Variants in SPATA1 observed in about 807,000 individuals in gnomAD.
SPATA1 encodes the protein spermatogenesis associated 1, also known as spermatogenesis-associated protein 1.
SPATA1 carries 57 observed loss-of-function variants against 59.6 expected under a neutral mutation model. The observed-to-expected ratio is 0.96, with a 90% CI of 0.77 to 1.19. The LOEUF is 1.19. SPATA1 is among the 50% of genes most tolerant of loss of function. The pLI is 0.00. For missense variants in SPATA1, 448 were observed against 480.7 expected, an observed-to-expected ratio of 0.93 and a Z score of 0.64; for synonymous variants, 147 against 163.9, an observed-to-expected ratio of 0.90 and a Z score of 0.79.
downstream of SPATA1, among the ~76,000 whole-genome samples, chr1:84,556,551 A>C (rs141591239): frequency 0.054 from 8,181 of 150,826 alleles, 308 homozygotes; most frequent in Non-Finnish European, 0.077. Flanking sequence ...TCTTTACTAA[A>C]ATACAAAAAA....
At chr1:84,551,953 C>T (rs766598230) in intron 12 of SPATA1, 4 of 152,110 alleles carry the variant, frequency 2.6e-5, no homozygotes, top group Admixed American at 6.6e-5. Flanking sequence ...TTTAACATTA[C>T]AAATGTCACT....
In SPATA1 at chr1:84,530,193, T is replaced by G. The variant is rs140064601; in HGVS notation, c.545-2667T>G. On this transcript the variant is annotated intron_variant, in intron 6 of 12. Coordinates refer to ENST00000490879, the Ensembl canonical transcript of SPATA1. ...CCGCGCCTGGCCGAGCCTAAGATTCTTAAGGTAGCATAGAGAACTCTTCAA... is the reference window on the plus strand; with the variant it reads ...CCGCGCCTGGCCGAGCCTAAGATTCGTAAGGTAGCATAGAGAACTCTTCAA... Among the ~76,000 whole-genome samples the G allele has an allele frequency of 2.0e-4, 30 of 152,280 alleles. No individual in the cohort carries two copies. In the East Asian group the frequency reaches 3.3e-3, roughly 17 times the overall value.
At chr1:84,515,606 T>G (rs536625765) in intron 1 of SPATA1, among the ~76,000 whole-genome samples, 1 of 152,282 alleles carries the variant, frequency 6.6e-6, no homozygotes, top group Admixed American at 6.5e-5. Flanking sequence ...TTCAGCTACC[T>G]TATTTTTTAG....
chr1:84,550,729 A>C, intron 12 of SPATA1, 199 bp downstream of exon 12: 1 of 1,134,152 alleles, frequency 8.8e-7, no homozygotes, highest in Non-Finnish European at 1.1e-6. Flanking sequence ...TACATGATAT[A>C]ATAAAGCCAA....
At chr1:84,527,306 T>C (rs899193454) in intron 6 of SPATA1, among the ~76,000 whole-genome samples, 6 of 152,208 alleles carry the variant, frequency 3.9e-5, no homozygotes, top group African/African-American at 4.8e-5. Context: ...TTTTTCCTAT[T>C]GATTCTTAGA....
chr1:84,558,494 T>C, downstream of SPATA1, among the ~76,000 whole-genome samples: 1 of 151,192 alleles, frequency 6.6e-6, no homozygotes, highest in Non-Finnish European at 1.5e-5. Flanking sequence ...GGTTTCACCG[T>C]TTTAGCCGGG....
intron 4 of SPATA1, among the ~76,000 whole-genome samples, chr1:84,561,460 A>G (rs1208402684): frequency 6.6e-6 from 1 of 152,242 alleles, no homozygotes; most frequent in Non-Finnish European, 1.5e-5. Flanking sequence ...AATGCTGTGA[A>G]CATTGTTCAA....
intron 10 of SPATA1, among the ~76,000 whole-genome samples, chr1:84,546,240 G>A (rs1684080827): frequency 6.6e-6 from 1 of 152,104 alleles, no homozygotes; most frequent in Non-Finnish European, 1.5e-5. Context: ...GATCATTTGA[G>A]GTCAGGAGTT....
exon 5 of SPATA1, chr1:84,565,901 T>C: frequency 1.3e-6 from 2 of 1,595,224 alleles, no homozygotes; most frequent in Non-Finnish European, 1.7e-6. Context: ...CAGATCTGAC[T>C]TTGTTCATCA....
At chr1:84,523,029 C>T (rs545224366) in intron 4 of SPATA1, among the ~76,000 whole-genome samples, 2 of 151,910 alleles carry the variant, frequency 1.3e-5, no homozygotes, top group Admixed American at 6.6e-5. Context: ...TCCTGCCTCC[C>T]GAGTAGCTGG....
intron 1 of SPATA1, among the ~76,000 whole-genome samples, chr1:84,515,098 GATT>G (rs1682740079): frequency 6.6e-6 from 1 of 152,072 alleles, no homozygotes; most frequent in South Asian, 2.1e-4. Flanking sequence ...AATTATTATA[GATT>G]ATTAACTAAT....
intron 2 of SPATA1, among the ~76,000 whole-genome samples, chr1:84,519,238 G>A (rs1224908129): frequency 6.6e-6 from 1 of 151,998 alleles, no homozygotes; most frequent in Non-Finnish European, 1.5e-5. Context: ...ACCTTGTAAT[G>A]TATTTTTAAA....
downstream of SPATA1, chr1:84,555,948 T>C (rs1278111164): frequency 6.6e-6 from 1 of 152,232 alleles, no homozygotes; most frequent in Non-Finnish European, 1.5e-5. Flanking sequence ...CTACAGAAGA[T>C]TTTGTTTATG....
chr1:84,523,036 C>G (rs558748101), intron 4 of SPATA1, among the ~76,000 whole-genome samples: 1 of 151,884 alleles, frequency 6.6e-6, no homozygotes, highest in East Asian at 1.9e-4. Flanking sequence ...TCCCGAGTAG[C>G]TGGGATTACA....
In SPATA1 at chr1:84,514,141, G is replaced by A. The variant is rs539805482; in HGVS notation, c.-137-2082G>A. On this transcript the variant is annotated intron_variant, in intron 1 of 12. Coordinates refer to ENST00000490879, the Ensembl canonical transcript of SPATA1. ...ATTATAGGCACAAGCCACCACGCCC[G>A]GCTCTCTTTTCTATATTCTTATTAG... Among the ~76,000 whole-genome samples, 19 of 151,974 alleles carry A rather than the reference G, an allele frequency of 1.3e-4. No individual in the cohort carries two copies. The South Asian group carries it at 2.9e-3, about 23-fold the overall frequency.
chr1:84,533,567 C>CAT, intron 7 of SPATA1, 142 bp from the exon 8 acceptor site: 1 of 654,988 alleles, frequency 1.5e-6, no homozygotes. Context: ...TCTGAAAGAA[C>CAT]ATATGATAAT....
intron 4 of SPATA1, 84 bp downstream of exon 4, chr1:84,522,591 C>T (rs1683073814): frequency 1.7e-6 from 1 of 576,732 alleles, no homozygotes; most frequent in African/African-American, 1.9e-5. Flanking sequence ...CAACTCAGCT[C>T]CTTAAGATAT....
At chr1:84,544,290 T>C in exon 9 of SPATA1, 10 of 1,571,994 alleles carry the variant, frequency 6.4e-6, no homozygotes, top group Non-Finnish European at 8.6e-6. Context: ...GATATATCTT[T>C]ATTACAAACT....
chr1:84,556,650 T>A (rs1317400610), downstream of SPATA1, among the ~76,000 whole-genome samples: 1 of 142,708 alleles, frequency 7.0e-6, no homozygotes, highest in Non-Finnish European at 1.5e-5. Context: ...AGACGGAGGT[T>A]GCAGTAAGCT....
Sources: allele counts gnomAD v4.1 joint callset (sites outside exome capture counted in the v4.1 genomes callset), GRCh38; gene constraint gnomAD v4.1.1; transcripts MANE v1.5; gene names NCBI Gene and HGNC (gene_info 2026-07-23, HGNC 2026-07-21).